Variants in NAV3 observed in about 807,000 individuals in gnomAD.
The protein encoded by NAV3 is pore membrane and/or filament interacting like protein 1.
A neutral mutation model predicts 244.7 loss-of-function variants in NAV3; 87 were observed. The observed-to-expected ratio is 0.36, with a 90% CI of 0.30 to 0.42. NAV3 has a LOEUF of 0.42. NAV3 is among the 20% of genes least tolerant of loss of function. The probability of loss-of-function intolerance (pLI) is 1.00; values close to 1 mark genes in which losing one functional copy is unlikely to be tolerated. For missense variants in NAV3, 2,663 were observed against 2,893.3 expected, an observed-to-expected ratio of 0.92 and a Z score of 1.83; for synonymous variants, 1,126 against 1,042.2, an observed-to-expected ratio of 1.08 and a Z score of -1.55.
At chr12:78,064,244 T>G (rs1884687796) in intron 12 of NAV3, among the ~76,000 whole-genome samples, 1 of 152,112 alleles carries the variant, frequency 6.6e-6, no homozygotes, top group Non-Finnish European at 1.5e-5. Context: ...AGACATTTAG[T>G]TTTTCACAGT....
chr12:77,903,078 T>G (rs1242330774), intron 1 of NAV3, among the ~76,000 whole-genome samples: 2 of 152,110 alleles, frequency 1.3e-5, no homozygotes, highest in South Asian at 2.1e-4. Context: ...CCCAGGTAAT[T>G]TATAGATTCA....
At chr12:77,727,422 G>A (rs1876926230) in intron 2 of NAV3, among the ~76,000 whole-genome samples, 1 of 149,160 alleles carries the variant, frequency 6.7e-6, no homozygotes, top group Admixed American at 6.6e-5. Context: ...CAGCTCTTAA[G>A]AGGAACAATT....
chr12:77,930,049 TCC>T (rs1888633194), intron 1 of NAV3, among the ~76,000 whole-genome samples: 1 of 152,150 alleles, frequency 6.6e-6, no homozygotes, highest in African/African-American at 2.4e-5. Context: ...AGCAGTCCTA[TCC>T]CTAGCTCCTC....
intron 1 of NAV3, among the ~76,000 whole-genome samples, chr12:77,833,412 A>G (rs905921121): frequency 1.3e-5 from 2 of 152,206 alleles, no homozygotes; most frequent in Non-Finnish European, 2.9e-5. Flanking sequence ...CGAAACAGGA[A>G]ATGTTTCCTT....
intron 31 of NAV3, among the ~76,000 whole-genome samples, chr12:78,186,539 C>T (rs917412412): frequency 6.6e-5 from 10 of 151,928 alleles, no homozygotes; most frequent in Admixed American, 4.0e-4. Flanking sequence ...CAGTAATACT[C>T]TTAGTGAAAC....
intron 2 of NAV3, among the ~76,000 whole-genome samples, chr12:77,699,417 A>C (rs1018843926): frequency 1.3e-5 from 2 of 152,178 alleles, no homozygotes; most frequent in Non-Finnish European, 1.5e-5. Flanking sequence ...AATGTAACAG[A>C]GTAAAACAAT....
Position 78,182,567 on chromosome 12 carries a change from CTT to C in NAV3, c.5692+1523_5692+1524del, listed in dbSNP as rs1007668983. On this transcript the variant is annotated intron_variant, in intron 30 of 39. Transcript: ENST00000397909. ...AAAAAACAGACACATATAAAAAAAACTTAGTATCTAGGAAAAATAGAACTCAT... is the reference window on the plus strand; with the variant it reads ...AAAAAACAGACACATATAAAAAAAACAGTATCTAGGAAAAATAGAACTCAT... Among the ~76,000 whole-genome samples the C allele has an allele frequency of 1.8e-4, 28 of 151,772 alleles. 1 individual carries two copies. Among genetic ancestry groups the C allele is most frequent in the African/African-American group, 6.5e-4 (27 of 41,414 alleles).
At chr12:78,058,055 TGG>T (rs1883776239) in intron 11 of NAV3, among the ~76,000 whole-genome samples, 1 of 152,006 alleles carries the variant, frequency 6.6e-6, no homozygotes, top group African/African-American at 2.4e-5. Context: ...TTTAAGGGAG[TGG>T]TGAGGATCAC....
intron 2 of NAV3, among the ~76,000 whole-genome samples, chr12:77,705,884 A>G (rs970462018): frequency 6.6e-6 from 1 of 151,478 alleles, no homozygotes. Context: ...CAGATATTTT[A>G]TAATAAGTAT....
At chr12:77,641,320 C>A (rs956736020) in intron 2 of NAV3, among the ~76,000 whole-genome samples, 1 of 151,862 alleles carries the variant, frequency 6.6e-6, no homozygotes, top group South Asian at 2.1e-4. Context: ...GCCCCAAAGC[C>A]GAGTTGGGAT....
At chr12:78,117,158 C>CATATATATATATAT (rs377148138) in intron 13 of NAV3, among the ~76,000 whole-genome samples, 12 of 70,326 alleles carry the variant, frequency 1.7e-4, no homozygotes, top group South Asian at 5.1e-4. Context: ...ACAGAAGCAG[C>CATATATATATATAT]ATATATATAT....
chr12:78,145,754 T>C (rs564601445), intron 20 of NAV3, among the ~76,000 whole-genome samples: 1 of 152,308 alleles, frequency 6.6e-6, no homozygotes, highest in South Asian at 2.1e-4. Context: ...GGTGTTTCAG[T>C]GTTTTCATTG....
intron 2 of NAV3, among the ~76,000 whole-genome samples, chr12:77,638,756 C>T (rs1872266536): frequency 6.6e-6 from 1 of 152,100 alleles, no homozygotes; most frequent in African/African-American, 2.4e-5. Context: ...GTGTCATCAC[C>T]ATAGTGATAC....
intron 34 of NAV3, among the ~76,000 whole-genome samples, chr12:78,196,488 G>A (rs763890929): frequency 3.9e-5 from 6 of 151,922 alleles, no homozygotes; most frequent in Non-Finnish European, 7.4e-5. Flanking sequence ...AAATATTATG[G>A]AAATGTTCTT....
At chr12:77,921,579 A>G (rs1887715116) in intron 1 of NAV3, among the ~76,000 whole-genome samples, 1 of 152,080 alleles carries the variant, frequency 6.6e-6, no homozygotes, top group African/African-American at 2.4e-5. Context: ...TTGTCTTATG[A>G]TAAGTTTTCT....
In NAV3 at chr12:77,831,398, G is replaced by C. The variant is rs2136072436; in HGVS notation, c.-64G>C. 6.9e-7 allele frequency: 1 copy of C among 1,454,758 alleles called. No individual in the cohort carries two copies. The highest frequency in any genetic ancestry group is 9.1e-7 in the Non-Finnish European group (1 of 1,094,294). The allele number at this position is 1,454,758 out of a possible 1,614,324, so 90.1% of individuals were successfully genotyped here. ...ATTTGTTCTGGAAATACTAAAGTTG[G>C]AGTCTACCAGACTGAGGTTAGAAGC... On this transcript the variant is annotated 5_prime_UTR_variant, in exon 1 of 40. Coordinates refer to ENST00000397909, the MANE Select transcript of NAV3 (RefSeq NM_001024383.2).
intron 1 of NAV3, among the ~76,000 whole-genome samples, chr12:77,908,509 A>C (rs1886238888): frequency 6.6e-6 from 1 of 152,048 alleles, no homozygotes; most frequent in African/African-American, 2.4e-5. Context: ...AGATAAGGTA[A>C]AGCAATTTAA....
chr12:78,200,645 A>G, intron 38 of NAV3, 54 bp downstream of exon 38: 1 of 1,122,318 alleles, frequency 8.9e-7, no homozygotes, highest in Non-Finnish European at 1.2e-6. Context: ...AAGCAAAAAA[A>G]ATTACTTTAA....
At chr12:77,805,132 C>T (rs1871906371) in intron 2 of NAV3, among the ~76,000 whole-genome samples, 1 of 152,186 alleles carries the variant, frequency 6.6e-6, no homozygotes, top group African/African-American at 2.4e-5. Context: ...ATTTGACTTC[C>T]TCTTTTCCTA....
Sources: allele counts gnomAD v4.1 joint callset (sites outside exome capture counted in the v4.1 genomes callset), GRCh38; gene constraint gnomAD v4.1.1; transcripts MANE v1.5; gene names NCBI Gene and HGNC (gene_info 2026-07-23, HGNC 2026-07-21).